Variants in SESTD1 observed in about 807,000 individuals in gnomAD.
SESTD1 encodes SEC14 and spectrin domain containing 1.
A neutral mutation model predicts 101.7 loss-of-function variants in SESTD1; 43 were observed. The ratio of observed to expected loss-of-function variants is 0.42; its 90% confidence interval spans 0.33 to 0.55. The LOEUF (loss-of-function observed/expected upper bound fraction) is 0.55, where lower values mean the gene tolerates loss of function less well. Among genes scored for constraint, SESTD1 ranks in the 20% least tolerant of loss-of-function variants. The pLI is 0.07. For missense variants in SESTD1, 647 were observed against 815.1 expected (o/e 0.79, Z 2.51); for synonymous variants, 283 against 286.8 (o/e 0.99, Z 0.13).
intron 5 of SESTD1, among the ~76,000 whole-genome samples, chr2:179,159,607 C>T (rs1304544905): frequency 6.6e-6 from 1 of 152,144 alleles, no homozygotes; most frequent in African/African-American, 2.4e-5. Flanking sequence ...TGCAACAAAA[C>T]AAGATTAGGA....
intron 1 of SESTD1, among the ~76,000 whole-genome samples, chr2:179,262,393 TCTG>T (rs948072448): frequency 6.6e-6 from 1 of 151,304 alleles, no homozygotes; most frequent in African/African-American, 2.4e-5. Context: ...AATTTAAGTC[TCTG>T]CTTTTTTTTC....
chr2:179,175,400 C>G (rs2008215), intron 4 of SESTD1, among the ~76,000 whole-genome samples: 8,469 of 152,110 alleles, frequency 0.056, 302 homozygotes, highest in South Asian at 0.091. Flanking sequence ...TCCACAGAAC[C>G]CTAAAGTAGC....
chr2:179,243,521 T>C lies in SESTD1; in HGVS notation c.-26+20978A>G, dbSNP rs570958034. ...TGGAATCAATCTAGGCACCCATCAATGGTGGACTGGATAAAGAAAATGTGG... is the reference window on the plus strand; with the variant it reads ...TGGAATCAATCTAGGCACCCATCAACGGTGGACTGGATAAAGAAAATGTGG... On this transcript the variant is annotated intron_variant, in intron 1 of 17. Transcript: ENST00000428443. Among the ~76,000 whole-genome samples the C allele has an allele frequency of 2.0e-5, 3 of 152,270 alleles. No homozygotes were observed. The East Asian group carries it at 5.8e-4, about 29-fold the overall frequency.
At chr2:179,124,935 G>A (rs1298745062) in intron 10 of SESTD1, among the ~76,000 whole-genome samples, 3 of 152,026 alleles carry the variant, frequency 2.0e-5, no homozygotes, top group African/African-American at 7.3e-5. Context: ...CCTTTGAAGT[G>A]CATGCTGTTA....
At chr2:179,179,420 A>G (rs1450345444) in intron 3 of SESTD1, among the ~76,000 whole-genome samples, 2 of 152,184 alleles carry the variant, frequency 1.3e-5, no homozygotes, top group African/African-American at 4.8e-5. Flanking sequence ...CAGTCCACTC[A>G]CTTTTGACAC....
rs143507640 is a variant in SESTD1 at position 179,146,309 on chromosome 2, T to C, written c.637+93A>G. The C allele has an allele frequency of 2.3e-4, 271 of 1,203,666 alleles. No individual in the cohort carries two copies. The East Asian group carries it at 6.3e-3, about 28-fold the overall frequency. The allele number at this position is 1,203,666 out of a possible 1,614,324, so 74.6% of individuals were successfully genotyped here. A position where few individuals can be genotyped will look rare whatever the true frequency, so the allele number is the denominator to read the frequency against. On this transcript the variant is annotated intron_variant, in intron 8 of 17. Coordinates refer to ENST00000428443, the MANE Select transcript of SESTD1 (RefSeq NM_178123.5). Reference sequence around the variant, plus strand: ...TTTCCCCTTGAGTTCCTTCCACATGTACCACATTCATGCTGAATTCATGTT... The same window carrying C: ...TTTCCCCTTGAGTTCCTTCCACATGCACCACATTCATGCTGAATTCATGTT...
chr2:179,155,511 G>A (rs1444849549), intron 5 of SESTD1, among the ~76,000 whole-genome samples: 1 of 151,868 alleles, frequency 6.6e-6, no homozygotes, highest in Non-Finnish European at 1.5e-5. Flanking sequence ...AACGATTTGG[G>A]CAGCCAAGGT....
intron 9 of SESTD1, among the ~76,000 whole-genome samples, chr2:179,139,314 C>G (rs1383819288): frequency 6.6e-6 from 1 of 152,146 alleles, no homozygotes; most frequent in Non-Finnish European, 1.5e-5. Context: ...AAAGACACAT[C>G]ACACAGTGAC....
chr2:179,173,006 C>CA (rs1422368051), intron 4 of SESTD1, among the ~76,000 whole-genome samples: 1 of 152,178 alleles, frequency 6.6e-6, no homozygotes, highest in Non-Finnish European at 1.5e-5. Flanking sequence ...CCAAGACCTA[C>CA]AAGGCCCTTC....
At chr2:179,214,870 T>C (rs766251550) in intron 1 of SESTD1, among the ~76,000 whole-genome samples, 1 of 134,552 alleles carries the variant, frequency 7.4e-6, no homozygotes, top group Non-Finnish European at 1.6e-5. Context: ...AAACTGAACA[T>C]CCTGCTCCTG....
intron 1 of SESTD1, among the ~76,000 whole-genome samples, chr2:179,229,749 T>TATATATATATATATATATA (rs2046950405): frequency 3.1e-4 from 33 of 106,352 alleles, no homozygotes; most frequent in Admixed American, 7.9e-4. Flanking sequence ...TTGTAAGAAC[T>TATATATATATATATATATA]TATATATATA....
intron 1 of SESTD1, among the ~76,000 whole-genome samples, chr2:179,210,066 T>C (rs1435823920): frequency 7.5e-6 from 1 of 133,534 alleles, no homozygotes; most frequent in Non-Finnish European, 1.6e-5. Context: ...AACACCATTA[T>C]GCACACAAAC....
At chr2:179,226,261 C>G (rs1333515798) in intron 1 of SESTD1, among the ~76,000 whole-genome samples, 1 of 152,116 alleles carries the variant, frequency 6.6e-6, no homozygotes, top group Non-Finnish European at 1.5e-5. Flanking sequence ...GGGGAAAAAT[C>G]TGAGTATCTG....
chr2:179,156,133 CGTATATATGTATATATATGT>C (rs2045626034), intron 5 of SESTD1, among the ~76,000 whole-genome samples: 2 of 151,024 alleles, frequency 1.3e-5, no homozygotes, highest in South Asian at 2.1e-4. Flanking sequence ...TGTGTATATA[CGTATATATGTATATATATGT>C]GTATATATGT....
At chr2:179,227,522 A>C (rs552913848) in intron 1 of SESTD1, among the ~76,000 whole-genome samples, 1 of 152,164 alleles carries the variant, frequency 6.6e-6, no homozygotes, top group African/African-American at 2.4e-5. Flanking sequence ...ATCCACTATC[A>C]CTATACTCTA....
chr2:179,138,222 T>G (rs1369256193), intron 9 of SESTD1, among the ~76,000 whole-genome samples: 2 of 152,190 alleles, frequency 1.3e-5, no homozygotes, highest in African/African-American at 4.8e-5. Context: ...CCTTACCCAG[T>G]TGAGCTGGTC....
intron 1 of SESTD1, among the ~76,000 whole-genome samples, chr2:179,258,341 CT>C (rs779926093): frequency 2.2e-4 from 33 of 152,294 alleles, no homozygotes; most frequent in Non-Finnish European, 3.7e-4. Flanking sequence ...TTCATGACCT[CT>C]CAAAAGCATT....
At chr2:179,111,713 C>T (rs1439193192) in intron 17 of SESTD1, among the ~76,000 whole-genome samples, 3 of 150,840 alleles carry the variant, frequency 2.0e-5, no homozygotes, top group Non-Finnish European at 3.0e-5. Context: ...GAAGCTCCTC[C>T]TGATTCTTTT....
intron 3 of SESTD1, among the ~76,000 whole-genome samples, chr2:179,178,668 A>G (rs1474449385): frequency 6.6e-6 from 1 of 152,120 alleles, no homozygotes; most frequent in East Asian, 1.9e-4. Context: ...AGTAGTGGCA[A>G]CAATGCAGGG....
Sources: allele counts gnomAD v4.1 joint callset (sites outside exome capture counted in the v4.1 genomes callset), GRCh38; gene constraint gnomAD v4.1.1; transcripts MANE v1.5; gene names NCBI Gene and HGNC (gene_info 2026-07-23, HGNC 2026-07-21).